The following EEA1 variants were observed in gnomAD, a reference collection of about 807,000 sequenced individuals.
EEA1 encodes early endosome antigen 1, also known as early endosome antigen 1, 162kD.
In EEA1, 111 loss-of-function variants were observed where a neutral mutation model predicts 209.2. The observed-to-expected ratio is 0.53, with a 90% CI of 0.45 to 0.62. The LOEUF (loss-of-function observed/expected upper bound fraction) is 0.62. EEA1 is among the 20% of genes least tolerant of loss of function. The pLI, the probability that EEA1 is intolerant of heterozygous loss-of-function variation, is 0.00. For synonymous variants in EEA1, 536 were observed against 540.6 expected, an observed-to-expected ratio of 0.99 and a Z score of 0.12; for missense variants, 1,343 against 1,530.8, an observed-to-expected ratio of 0.88 and a Z score of 2.05.
Position 92,802,313 on chromosome 12 carries a change from A to G in EEA1, c.2670+91T>C. On this transcript the variant is annotated intron_variant, in intron 19 of 28. Transcript: ENST00000322349. The stretch of plus-strand genomic sequence containing the variant: ...TACTTTAAACTATTTAAATGTGGAA[A>G]GAAAAGCAAACTGTGAATTAAGCAG... 3 of 1,224,010 alleles carry G rather than the reference A, an allele frequency of 2.5e-6. No homozygotes were observed. The Middle Eastern group carries it at 8.7e-4, about 354-fold the overall frequency. 75.8% of individuals were successfully genotyped at this position (1,224,010 alleles called of 1,614,324 possible).
At chr12:92,830,545 T>C (rs1437597924) in intron 11 of EEA1, among the ~76,000 whole-genome samples, 1 of 150,360 alleles carries the variant, frequency 6.7e-6, no homozygotes, top group Non-Finnish European at 1.5e-5. Context: ...ACAAGTGAAG[T>C]AAATAGTATC....
At chr12:92,887,371 G>A (rs1261991028) in intron 2 of EEA1, among the ~76,000 whole-genome samples, 1 of 151,998 alleles carries the variant, frequency 6.6e-6, no homozygotes, top group Non-Finnish European at 1.5e-5. Context: ...AGGGAGGGGT[G>A]CAGTGGCTCA....
chr12:92,776,273 AAT>A, intron 28 of EEA1, 140 bp from the exon 29 acceptor site: 3 of 755,298 alleles, frequency 4.0e-6, no homozygotes, highest in Non-Finnish European at 5.8e-6. Context: ...GATATGTTTC[AAT>A]ATGTTAACTT....
rs1176681392 is a variant in EEA1, at chr12:92,802,729, G to T, written c.2345C>A (p.Ser782Tyr). 1.9e-6 allele frequency: 3 copies of T among 1,561,706 alleles called. No homozygotes were observed. The highest frequency in any genetic ancestry group is 2.5e-5 in the South Asian group (2 of 80,484). Residue 782 changes from serine (S) to tyrosine (Y), a missense_variant, in exon 19 of 29, where the codon TCC (serine) becomes TAC (tyrosine). Ser to Tyr is a moderately radical substitution (Grantham distance 144). Around this residue, in one of 3 missense-constraint regions of EEA1, gnomAD observed 1,307 missense variants for 1,465.5 expected, o/e 0.89. Coordinates refer to ENST00000322349, the MANE Select transcript of EEA1 (RefSeq NM_003566.4). ...TTTCTGTAGATCCAATCTTGTACTG[G>T]ATACTCTAAATATTTAAAAAACAAT... The part of the protein sequence containing the change: ...KQLEMEKEIV[S>Y]STRLDLQKKS...
intron 1 of EEA1, among the ~76,000 whole-genome samples, chr12:92,914,072 T>A (rs1880676964): frequency 6.6e-6 from 1 of 152,224 alleles, no homozygotes; most frequent in Non-Finnish European, 1.5e-5. Flanking sequence ...ATTTATTGAA[T>A]AAAGTATCCT....
chr12:92,914,021 T>C (rs1277029763), intron 1 of EEA1, among the ~76,000 whole-genome samples: 4 of 152,214 alleles, frequency 2.6e-5, no homozygotes, highest in African/African-American at 9.6e-5. Flanking sequence ...TGGTGAACAA[T>C]ATGGGTCCAG....
chr12:92,782,268 G>A, intron 22 of EEA1, 133 bp from the exon 23 acceptor site: 1 of 498,742 alleles, frequency 2.0e-6, no homozygotes, highest in Non-Finnish European at 3.2e-6. Context: ...CAGTAAGACA[G>A]GTAAAAGAGA....
At chr12:92,902,414 A>T (rs907925553) in intron 1 of EEA1, among the ~76,000 whole-genome samples, 1 of 152,174 alleles carries the variant, frequency 6.6e-6, no homozygotes, top group African/African-American at 2.4e-5. Context: ...GGGGCAAGGC[A>T]ACTATCCCTT....
chr12:92,874,269 A>G (rs1257854690), intron 2 of EEA1, among the ~76,000 whole-genome samples: 1 of 152,158 alleles, frequency 6.6e-6, no homozygotes, highest in African/African-American at 2.4e-5. Flanking sequence ...TGCGGTAGCC[A>G]TGTTCACACC....
chr12:92,791,789 G>T (rs1009427502), intron 21 of EEA1, among the ~76,000 whole-genome samples: 1 of 152,150 alleles, frequency 6.6e-6, no homozygotes, highest in African/African-American at 2.4e-5. Flanking sequence ...GACATCTACA[G>T]AACTCTCCAC....
At position 92,929,194 on chromosome 12, in the gene EEA1, G is replaced by T; in HGVS notation, c.-128C>A. The T allele has an allele frequency of 1.1e-6, 1 of 949,890 alleles. No individual in the cohort carries two copies. The highest frequency in any genetic ancestry group is 1.5e-6 in the Non-Finnish European group (1 of 659,140). 58.8% of individuals were successfully genotyped at this position (949,890 alleles called of 1,614,324 possible). A position where few individuals can be genotyped will look rare whatever the true frequency, so the allele number is the denominator to read the frequency against. On this transcript the variant is annotated 5_prime_UTR_variant, in exon 1 of 29. Transcript: ENST00000322349. ...ACCGGGAAGGAGGTCGGGGCGAGGCGGTGGCGACGGCCGCTCGGGCGGCCC... is the reference window on the plus strand; with the variant it reads ...ACCGGGAAGGAGGTCGGGGCGAGGCTGTGGCGACGGCCGCTCGGGCGGCCC...
intron 18 of EEA1, among the ~76,000 whole-genome samples, chr12:92,807,276 G>T (rs1328396648): frequency 6.6e-6 from 1 of 151,944 alleles, no homozygotes; most frequent in Non-Finnish European, 1.5e-5. Context: ...ATATAACTAG[G>T]TATCAAAGGT....
chr12:92,902,348 C>T (rs757177444), intron 1 of EEA1, among the ~76,000 whole-genome samples: 10 of 152,114 alleles, frequency 6.6e-5, no homozygotes, highest in Admixed American at 1.3e-4. Flanking sequence ...GAACCAAAAA[C>T]GCCCTGGATG....
chr12:92,777,934 C>T lies in EEA1; in HGVS notation c.3893+7G>A. ...GAAATAAACTAATTTTACTAGATAT[C>T]AATCACCTTTCCAGTAGTGCTCTCC... On this transcript the variant is annotated splice_region_variant and intron_variant, in intron 26 of 28. Transcript: ENST00000322349. 1 of 1,603,174 alleles carries T rather than the reference C, an allele frequency of 6.2e-7. No individual in the cohort carries two copies. The highest frequency in any genetic ancestry group is 8.5e-7 in the Non-Finnish European group (1 of 1,171,028).
chr12:92,866,062 CA>C (rs1878378842), intron 2 of EEA1, among the ~76,000 whole-genome samples: 1 of 151,506 alleles, frequency 6.6e-6, no homozygotes, highest in African/African-American at 2.4e-5. Flanking sequence ...TGTGGTGGCA[CA>C]CACGTGTAGT....
intron 3 of EEA1, among the ~76,000 whole-genome samples, chr12:92,862,512 C>T (rs1878198925): frequency 6.6e-6 from 1 of 151,944 alleles, no homozygotes; most frequent in Non-Finnish European, 1.5e-5. Flanking sequence ...ACGAGGATTA[C>T]TTGAGACCAG....
chr12:92,783,531 T>A (rs1215940403), intron 22 of EEA1, among the ~76,000 whole-genome samples: 1 of 152,214 alleles, frequency 6.6e-6, no homozygotes, highest in Non-Finnish European at 1.5e-5. Context: ...TGAGGCTCTA[T>A]CCTGAGAAAG....
In EEA1 at chr12:92,832,796, T is replaced by C. The variant is rs1239550414; in HGVS notation, c.970A>G (p.Lys324Glu). Residue 324 changes from lysine to glutamate, a missense_variant, in exon 11 of 29, where the codon AAA becomes GAA. This residue lies in a region of EEA1 where 1,307 missense variants were observed against 1,465.5 expected (regional missense o/e 0.89). Coordinates refer to ENST00000322349, the MANE Select transcript of EEA1 (RefSeq NM_003566.4). The stretch of plus-strand genomic sequence containing the variant: ...TTACTCACAGATTCTTCATTATGTT[T>C]CTCCTCTAACTTAGTATAGTCTTGT... ...KEQDYTKLEE[K>E]HNEESVSKKN... is the part of the protein sequence containing the mutation. 1.9e-6 allele frequency: 3 copies of C among 1,613,812 alleles called. No homozygotes were observed. In the Admixed American group the frequency reaches 5.0e-5, roughly 27 times the overall value.
intron 25 of EEA1, 81 bp from the exon 26 acceptor site, chr12:92,778,260 T>G (rs1346872012): frequency 1.8e-6 from 2 of 1,124,922 alleles, no homozygotes; most frequent in Non-Finnish European, 2.6e-6. Flanking sequence ...ACATTTAAAA[T>G]ACTGGCAATT....
Sources: gnomAD v4.1 joint callset for allele counts (sites outside exome capture counted in the v4.1 genomes callset) on GRCh38, gnomAD v4.1.1 for gene constraint, gnomAD v4.1.1 regional missense constraint, MANE v1.5 for transcripts, NCBI Gene and HGNC (gene_info 2026-07-23, HGNC 2026-07-21) for gene names.